TMPRSS11F: variants seen among roughly 807,000 people sequenced by gnomAD.
TMPRSS11F encodes transmembrane serine protease 11F.
A neutral mutation model predicts 60.2 loss-of-function variants in TMPRSS11F; 47 were observed. That is an observed-to-expected ratio of 0.78 (90% CI 0.62 to 1.00). The LOEUF is 1.00. Among genes scored for constraint, TMPRSS11F ranks in the 50% least tolerant of loss-of-function variants. TMPRSS11F has a pLI of 0.00. For missense variants in TMPRSS11F, 519 were observed against 522.9 expected (o/e 0.99, Z 0.07); for synonymous variants, 166 against 167.3 (o/e 0.99, Z 0.06).
chr4:68,129,863 C>A lies in TMPRSS11F; in HGVS notation c.-43G>T. 1 of 1,607,804 alleles carries A rather than the reference C, an allele frequency of 6.2e-7. No individual in the cohort carries two copies. The highest frequency in any genetic ancestry group is 8.5e-7 in the Non-Finnish European group (1 of 1,174,694). On this transcript the variant is annotated 5_prime_UTR_variant, in exon 1 of 10. Coordinates refer to ENST00000356291, the MANE Select transcript of TMPRSS11F (RefSeq NM_207407.2). ...AGCTTCTATTCAGTCACCATCTGAT[C>A]TGTATCAGCAGGTTAGGACTTGGAG...
intron 1 of TMPRSS11F, among the ~76,000 whole-genome samples, chr4:68,123,749 G>C (rs1482988387): frequency 6.6e-6 from 1 of 152,142 alleles, no homozygotes; most frequent in Non-Finnish European, 1.5e-5. Context: ...CTAGAGAGGA[G>C]AGATAGATGA....
chr4:68,059,719 G>A (rs975824017), intron 8 of TMPRSS11F, among the ~76,000 whole-genome samples: 23 of 152,056 alleles, frequency 1.5e-4, no homozygotes, highest in African/African-American at 5.3e-4. Flanking sequence ...TACTACATAC[G>A]CATGCATTTT....
In TMPRSS11F at chr4:68,073,983, A is replaced by G; in HGVS notation, c.309T>C (p.Ser103=). The part of the protein sequence containing the change: ...RMMSRIFRHS[S]VGGRFIKSHV... ...GAGATTTGATAAATCGACCGCCTAC[A>G]GAAGAATGTCGAAATATCCTAGACA... is the stretch of plus-strand genomic sequence containing the variant. The change falls in exon 4 of 10, where the codon TCT becomes TCC. Residue 103 remains serine (S), a synonymous_variant. Coordinates refer to ENST00000356291, the MANE Select transcript of TMPRSS11F (RefSeq NM_207407.2). 1 of 1,585,794 alleles carries G rather than the reference A, an allele frequency of 6.3e-7. No homozygotes were observed.
chr4:68,090,006 T>C (rs1327966641), intron 3 of TMPRSS11F, among the ~76,000 whole-genome samples: 1 of 152,230 alleles, frequency 6.6e-6, no homozygotes, highest in South Asian at 2.1e-4. Flanking sequence ...GTTAAGGAGA[T>C]GGCTCACCCA....
At chr4:68,120,920 A>T (rs1468677827) in intron 1 of TMPRSS11F, among the ~76,000 whole-genome samples, 10 of 152,174 alleles carry the variant, frequency 6.6e-5, no homozygotes, top group Admixed American at 5.2e-4. Context: ...CCTCTCTTAG[A>T]TATGTTTTTG....
At chr4:68,082,922 C>G (rs895562370) in intron 3 of TMPRSS11F, among the ~76,000 whole-genome samples, 1 of 152,198 alleles carries the variant, frequency 6.6e-6, no homozygotes, top group African/African-American at 2.4e-5. Flanking sequence ...CCTAACAGCC[C>G]AGTGATCTGG....
intron 3 of TMPRSS11F, 48 bp from the exon 4 acceptor site, chr4:68,074,057 T>TA: frequency 8.5e-7 from 1 of 1,176,408 alleles, no homozygotes; most frequent in Non-Finnish European, 1.2e-6. Context: ...AAAAGTAAAA[T>TA]AAAAAAATAA....
intron 1 of TMPRSS11F, among the ~76,000 whole-genome samples, chr4:68,115,859 C>T (rs1433518179): frequency 6.6e-6 from 1 of 151,866 alleles, no homozygotes; most frequent in African/African-American, 2.4e-5. Context: ...TATGAAAAAT[C>T]AAATAAAACC....
At chr4:68,119,880 T>C (rs986053666) in intron 1 of TMPRSS11F, among the ~76,000 whole-genome samples, 1 of 152,160 alleles carries the variant, frequency 6.6e-6, no homozygotes, top group Non-Finnish European at 1.5e-5. Flanking sequence ...CTCATAGTAG[T>C]AACTGAAAGC....
intron 1 of TMPRSS11F, among the ~76,000 whole-genome samples, chr4:68,127,808 T>A (rs1421084202): frequency 1.3e-5 from 2 of 152,070 alleles, no homozygotes; most frequent in Non-Finnish European, 2.9e-5. Flanking sequence ...ATAAAATTAA[T>A]ACAAATCTTA....
At chr4:68,121,114 T>A (rs13115007) in intron 1 of TMPRSS11F, among the ~76,000 whole-genome samples, 1 of 152,040 alleles carries the variant, frequency 6.6e-6, no homozygotes, top group East Asian at 1.9e-4. Context: ...CCCACCCAGT[T>A]GGCTGGATCC....
At chr4:68,063,948 A>G (rs527867313) in intron 8 of TMPRSS11F, among the ~76,000 whole-genome samples, 7 of 152,216 alleles carry the variant, frequency 4.6e-5, no homozygotes, top group Non-Finnish European at 1.0e-4. Flanking sequence ...GATTTAAATT[A>G]TATGCTGAAT....
intron 3 of TMPRSS11F, among the ~76,000 whole-genome samples, chr4:68,075,977 A>G (rs982480797): frequency 1.3e-5 from 2 of 151,744 alleles, no homozygotes; most frequent in Admixed American, 1.3e-4. Context: ...TGGGCAACAG[A>G]GTGAGACTCT....
At chr4:68,084,404 C>G (rs1037071185) in intron 3 of TMPRSS11F, among the ~76,000 whole-genome samples, 1 of 152,142 alleles carries the variant, frequency 6.6e-6, no homozygotes, top group Non-Finnish European at 1.5e-5. Flanking sequence ...AAAAAAAAAT[C>G]TTAAAGTTAG....
intron 1 of TMPRSS11F, among the ~76,000 whole-genome samples, chr4:68,120,194 A>G (rs1361594775): frequency 6.6e-6 from 1 of 152,194 alleles, no homozygotes; most frequent in East Asian, 1.9e-4. Flanking sequence ...TTTGAGATAG[A>G]AACTATTCCT....
At chr4:68,089,066 T>G (rs921154561) in intron 3 of TMPRSS11F, among the ~76,000 whole-genome samples, 1 of 152,000 alleles carries the variant, frequency 6.6e-6, no homozygotes, top group African/African-American at 2.4e-5. Context: ...TTCTGAAACT[T>G]ACACGGAACC....
intron 3 of TMPRSS11F, among the ~76,000 whole-genome samples, chr4:68,078,184 G>T (rs1383873752): frequency 1.3e-5 from 2 of 152,194 alleles, no homozygotes; most frequent in East Asian, 3.9e-4. Context: ...GCTGGAGAGG[G>T]GCCAAAACCT....
chr4:68,116,531 G>C (rs1021013106), intron 1 of TMPRSS11F, among the ~76,000 whole-genome samples: 1 of 151,774 alleles, frequency 6.6e-6, no homozygotes, highest in Non-Finnish European at 1.5e-5. Flanking sequence ...ACCCCAAAAA[G>C]GCAAAGCAAT....
intron 1 of TMPRSS11F, among the ~76,000 whole-genome samples, chr4:68,106,114 T>A (rs534674721): frequency 1.4e-3 from 215 of 152,256 alleles, no homozygotes; most frequent in Admixed American, 2.5e-3. Context: ...GTCCATATCA[T>A]TAAAAAAATC....
Sources: allele counts gnomAD v4.1 joint callset (sites outside exome capture counted in the v4.1 genomes callset), GRCh38; gene constraint gnomAD v4.1.1; transcripts MANE v1.5; gene names NCBI Gene and HGNC (gene_info 2026-07-23, HGNC 2026-07-21).